The following CORIN variants were observed in gnomAD, a reference collection of about 807,000 sequenced individuals.
The protein encoded by CORIN is corin, serine peptidase.
A neutral mutation model predicts 125.3 loss-of-function variants in CORIN; 117 were observed. The observed-to-expected ratio is 0.93, with a 90% CI of 0.80 to 1.09. The LOEUF is 1.09. Ranked by LOEUF, CORIN falls within the 50% of genes least tolerant of loss-of-function variation. CORIN has a pLI of 0.00. For missense variants in CORIN, 1,253 were observed against 1,306.7 expected, an observed-to-expected ratio of 0.96 and a Z score of 0.63; for synonymous variants, 450 against 466.4, an observed-to-expected ratio of 0.96 and a Z score of 0.45.
At chr4:47,735,736 C>T (rs1033833609) in intron 5 of CORIN, among the ~76,000 whole-genome samples, 9 of 151,968 alleles carry the variant, frequency 5.9e-5, no homozygotes, top group East Asian at 1.9e-4. Context: ...CTGGCTAACA[C>T]GGTGAAACCA....
At chr4:47,636,045 A>T (rs1159089682) in intron 16 of CORIN, among the ~76,000 whole-genome samples, 7 of 152,212 alleles carry the variant, frequency 4.6e-5, no homozygotes, top group Middle Eastern at 3.2e-3. Flanking sequence ...GTTAAAGTGT[A>T]AACCCTTATA....
At chr4:47,785,142 T>C (rs1443949768) in intron 3 of CORIN, among the ~76,000 whole-genome samples, 1 of 152,200 alleles carries the variant, frequency 6.6e-6, no homozygotes, top group Non-Finnish European at 1.5e-5. Context: ...CTTTGTGTAA[T>C]TTTCAATCAC....
chr4:47,735,942 TAAAAA>T (rs749270493), intron 5 of CORIN, among the ~76,000 whole-genome samples: 7 of 96,408 alleles, frequency 7.3e-5, no homozygotes, highest in African/African-American at 1.6e-4. Flanking sequence ...GACTCCATCT[TAAAAA>T]AAAAAAAAAA....
intron 5 of CORIN, among the ~76,000 whole-genome samples, chr4:47,727,510 CAG>C (rs1215127657): frequency 6.6e-6 from 1 of 152,046 alleles, no homozygotes; most frequent in Non-Finnish European, 1.5e-5. Flanking sequence ...AAACTGTTGA[CAG>C]AGTCTTATGA....
intron 1 of CORIN, among the ~76,000 whole-genome samples, chr4:47,825,351 C>T (rs1343676358): frequency 6.6e-6 from 1 of 152,176 alleles, no homozygotes; most frequent in Non-Finnish European, 1.5e-5. Flanking sequence ...TTTCCCACAC[C>T]ACACCTATCT....
At chr4:47,730,614 T>G (rs1277527464) in intron 5 of CORIN, among the ~76,000 whole-genome samples, 1 of 151,796 alleles carries the variant, frequency 6.6e-6, no homozygotes, top group Non-Finnish European at 1.5e-5. Flanking sequence ...ATGCTCCCCC[T>G]AGGGGTTTGA....
intron 10 of CORIN, among the ~76,000 whole-genome samples, chr4:47,667,895 A>G (rs920054396): frequency 1.3e-5 from 2 of 152,160 alleles, no homozygotes; most frequent in African/African-American, 2.4e-5. Flanking sequence ...TGAAATCCTA[A>G]CCTCCAATGT....
intron 16 of CORIN, 137 bp downstream of exon 16, chr4:47,641,783 C>T (rs1723239083): frequency 3.0e-6 from 3 of 1,015,990 alleles, no homozygotes; most frequent in South Asian, 1.7e-5. Context: ...GGTCCTCTCA[C>T]CTGATTCATT....
intron 4 of CORIN, among the ~76,000 whole-genome samples, chr4:47,761,608 A>C (rs1315275939): frequency 6.6e-6 from 1 of 152,188 alleles, no homozygotes; most frequent in Non-Finnish European, 1.5e-5. Context: ...AAGTGGCGTA[A>C]GTCAGGCACA....
At chr4:47,712,546 G>C (rs1726898391) in intron 5 of CORIN, among the ~76,000 whole-genome samples, 2 of 152,148 alleles carry the variant, frequency 1.3e-5, no homozygotes, top group Admixed American at 1.3e-4. Context: ...GCCTCCCAAA[G>C]TGCTATGATT....
intron 21 of CORIN, 27 bp from the exon 22 acceptor site, chr4:47,595,930 G>A: frequency 6.3e-7 from 1 of 1,586,454 alleles, no homozygotes; most frequent in Non-Finnish European, 8.6e-7. Context: ...TGGGAGTTAG[G>A]AACTGGCATT....
chr4:47,642,875 A>T (rs1403040581), intron 15 of CORIN: 1 of 1,462,550 alleles, frequency 6.8e-7, no homozygotes, highest in East Asian at 2.5e-5. Flanking sequence ...GAGTTTTTAA[A>T]TCCTCTCCCA....
chr4:47,795,709 AAG>A (rs1731259709), intron 2 of CORIN, among the ~76,000 whole-genome samples: 1 of 149,214 alleles, frequency 6.7e-6, no homozygotes, highest in African/African-American at 2.6e-5. Context: ...ATATTTGATC[AAG>A]AGTTAATATT....
intron 5 of CORIN, among the ~76,000 whole-genome samples, chr4:47,724,472 G>GA (rs1381611898): frequency 6.6e-6 from 1 of 152,062 alleles, no homozygotes; most frequent in Non-Finnish European, 1.5e-5. Context: ...AGAAAAGTTT[G>GA]AAAATTTAAT....
In CORIN at chr4:47,632,278, A is replaced by C. The variant is rs1265348230; in HGVS notation, c.2199-5757T>G. On this transcript the variant is annotated intron_variant, in intron 16 of 21. Coordinates refer to ENST00000273857, the MANE Select transcript of CORIN (RefSeq NM_006587.4). ...TCTATTGATGGGGGAAAATAATCTA[A>C]GCATCCAGCCTCAGTCCTTGACAGT... 5 of 152,320 alleles carry C rather than the reference A, an allele frequency of 3.3e-5. No homozygotes were observed. In the East Asian group the frequency reaches 9.6e-4, roughly 29 times the overall value. 9.4% of individuals were successfully genotyped at this position (152,320 alleles called of 1,614,324 possible).
intron 2 of CORIN, 23 bp from the exon 3 acceptor site, chr4:47,786,948 A>G: frequency 6.6e-7 from 1 of 1,511,170 alleles, no homozygotes. Context: ...AACAAACACA[A>G]AAAAAACCTA....
chr4:47,701,120 T>C (rs909677943), intron 5 of CORIN, among the ~76,000 whole-genome samples: 2 of 152,174 alleles, frequency 1.3e-5, no homozygotes, highest in Non-Finnish European at 2.9e-5. Context: ...TTAACATCAA[T>C]ATTCTAAAAA....
chr4:47,804,302 C>A (rs542034844), intron 2 of CORIN, among the ~76,000 whole-genome samples: 43 of 152,278 alleles, frequency 2.8e-4, no homozygotes, highest in Middle Eastern at 6.8e-3. Context: ...TTTGGACATT[C>A]CTCAAAAAAA....
chr4:47,719,371 G>A (rs993317443), intron 5 of CORIN, among the ~76,000 whole-genome samples: 3 of 151,974 alleles, frequency 2.0e-5, no homozygotes, highest in East Asian at 1.9e-4. Flanking sequence ...CAGGCTCTCC[G>A]TACATATTTG....
Sources: allele counts gnomAD v4.1 joint callset (sites outside exome capture counted in the v4.1 genomes callset), GRCh38; gene constraint gnomAD v4.1.1; transcripts MANE v1.5; gene names NCBI Gene and HGNC (gene_info 2026-07-23, HGNC 2026-07-21).